ANKRD30B: variants seen among roughly 807,000 people sequenced by gnomAD.
ANKRD30B encodes ankyrin repeat domain 30B.
A neutral mutation model predicts 202.2 loss-of-function variants in ANKRD30B; 144 were observed. The observed-to-expected ratio is 0.71, with a 90% confidence interval of 0.62 to 0.82. The LOEUF (loss-of-function observed/expected upper bound fraction) is 0.82, where lower values mean the gene tolerates loss of function less well. ANKRD30B is among the 40% of genes least tolerant of loss of function. ANKRD30B has a pLI of 0.00. For synonymous variants in ANKRD30B, 508 were observed against 561.3 expected, an observed-to-expected ratio of 0.91 and a Z score of 1.34; for missense variants, 1,487 against 1,669.1, an observed-to-expected ratio of 0.89 and a Z score of 1.90.
intron 24 of ANKRD30B, among the ~76,000 whole-genome samples, chr18:14,804,804 G>T (rs1417527770): frequency 3.3e-5 from 5 of 150,638 alleles, no homozygotes; most frequent in Non-Finnish European, 5.9e-5. Flanking sequence ...GAAGAATCAA[G>T]AACACAAGTC....
At chr18:14,938,103 T>C in the ANKRD30B span, among the ~76,000 whole-genome samples, 1 of 152,256 alleles carries the variant, frequency 6.6e-6, no homozygotes, top group African/African-American at 2.4e-5. Flanking sequence ...CTCCTCTCCC[T>C]ACATGCCTTC....
rs1211739150 is a variant in ANKRD30B at position 14,760,376 on chromosome 18, A to G, written c.756-178A>G. 5.3e-5 allele frequency among the ~76,000 whole-genome samples: 8 copies of G among 152,150 alleles called. No homozygotes were observed. The East Asian group carries it at 1.5e-3, about 29-fold the overall frequency. ...AGTATTTCATCTTACTTTATTTATT[A>G]TTTAATTAGAAGCTTAATAAGTTCA... On this transcript the variant is annotated intron_variant, in intron 5 of 43. Coordinates refer to ENST00000690538, the MANE Select transcript of ANKRD30B (RefSeq NM_001367607.2).
chr18:14,874,429 A>G, the ANKRD30B span, among the ~76,000 whole-genome samples: 18 of 152,338 alleles, frequency 1.2e-4, no homozygotes, highest in African/African-American at 4.1e-4. Flanking sequence ...AAACCCTTTC[A>G]AAGTGAGTAA....
At chr18:14,899,864 A>C in the ANKRD30B span, among the ~76,000 whole-genome samples, 2 of 152,156 alleles carry the variant, frequency 1.3e-5, no homozygotes, top group African/African-American at 4.8e-5. Flanking sequence ...TAAGGTTATA[A>C]ATTTAGCAGC....
the ANKRD30B span, among the ~76,000 whole-genome samples, chr18:14,889,339 A>G: frequency 1.3e-5 from 2 of 152,108 alleles, no homozygotes; most frequent in Non-Finnish European, 2.9e-5. Context: ...CATTGTCTTC[A>G]ATGGTAATGG....
the ANKRD30B span, among the ~76,000 whole-genome samples, chr18:14,926,248 T>A: frequency 6.6e-6 from 1 of 152,208 alleles, no homozygotes; most frequent in South Asian, 2.1e-4. Context: ...TCGGCTCACC[T>A]GCATTTTGCC....
At chr18:14,826,693 T>TCTCA (rs762792279) in intron 32 of ANKRD30B, among the ~76,000 whole-genome samples, 364 of 125,022 alleles carry the variant, frequency 2.9e-3, no homozygotes, top group African/African-American at 8.4e-3. Context: ...TCTCTCTCTC[T>TCTCA]CACACACACA....
the ANKRD30B span, among the ~76,000 whole-genome samples, chr18:14,874,948 G>A: frequency 3.3e-5 from 5 of 152,178 alleles, no homozygotes; most frequent in Admixed American, 6.5e-5. Flanking sequence ...GGTCAAGGCC[G>A]CTGATGCTGG....
chr18:14,821,088 T>G, intron 30 of ANKRD30B, among the ~76,000 whole-genome samples: 1 of 152,244 alleles, frequency 6.6e-6, no homozygotes, highest in Non-Finnish European at 1.5e-5. Flanking sequence ...TGGTTTAGTC[T>G]TGGGAGAGTG....
intron 4 of ANKRD30B, among the ~76,000 whole-genome samples, chr18:14,756,149 G>A (rs1336419541): frequency 6.6e-6 from 1 of 152,276 alleles, no homozygotes; most frequent in Non-Finnish European, 1.5e-5. Flanking sequence ...TTTCTCTGAT[G>A]GCCAGTGATG....
intron 30 of ANKRD30B, among the ~76,000 whole-genome samples, chr18:14,819,979 T>A (rs929689088): frequency 6.6e-6 from 1 of 152,166 alleles, no homozygotes; most frequent in African/African-American, 2.4e-5. Flanking sequence ...ACGATATTGA[T>A]TCTTCCTACC....
the ANKRD30B span, among the ~76,000 whole-genome samples, chr18:14,902,592 C>G: frequency 2.0e-5 from 3 of 152,154 alleles, no homozygotes; most frequent in African/African-American, 7.2e-5. Flanking sequence ...TGGTCCTACT[C>G]TCCTGCAGGG....
chr18:14,836,374 C>T (rs1252393833), intron 34 of ANKRD30B, among the ~76,000 whole-genome samples: 3 of 152,206 alleles, frequency 2.0e-5, no homozygotes, highest in Admixed American at 1.3e-4. Context: ...AGCACTTCAA[C>T]CGGCACTTCA....
chr18:14,822,459 T>C (rs1970469416), intron 30 of ANKRD30B, 24 bp from the exon 31 acceptor site: 2 of 1,230,696 alleles, frequency 1.6e-6, no homozygotes, highest in African/African-American at 2.9e-5. Context: ...GTATAATCAA[T>C]TATATATGTC....
At chr18:14,872,546 G>A in the ANKRD30B span, among the ~76,000 whole-genome samples, 1 of 152,114 alleles carries the variant, frequency 6.6e-6, no homozygotes, top group Non-Finnish European at 1.5e-5. Context: ...AATCAATGCA[G>A]CGTGGTCCTT....
chr18:14,929,453 C>T, the ANKRD30B span, among the ~76,000 whole-genome samples: 7 of 152,158 alleles, frequency 4.6e-5, no homozygotes, highest in Non-Finnish European at 1.5e-5. Flanking sequence ...CAGTGATAGG[C>T]GCTTGTGTCC....
chr18:14,772,175 A>G lies in ANKRD30B; in HGVS notation c.1276A>G (p.Ile426Val), dbSNP rs769522759. The G allele has an allele frequency of 1.6e-5, 24 of 1,504,524 alleles. No individual in the cohort carries two copies. Among genetic ancestry groups the G allele is most frequent in the African/African-American group, 2.8e-5 (2 of 72,140 alleles). The allele number at this position is 1,504,524 out of a possible 1,614,324, so 93.2% of individuals were successfully genotyped here. A position where few individuals can be genotyped will look rare whatever the true frequency, so the allele number is the denominator to read the frequency against. ...PIFSLFGTRT[I>V]ENSQCTKVEE... Reference sequence around the variant, plus strand: ...TTAAAGTCTTTTTGGCACACGGACTATTGAAAATTCACAGTGTACAAAAGT... The same window carrying G: ...TTAAAGTCTTTTTGGCACACGGACTGTTGAAAATTCACAGTGTACAAAAGT... The change falls in exon 9 of 44, where the codon ATT becomes GTT. Residue 426 changes from isoleucine to valine, a missense_variant. By Grantham distance (29) the Ile-to-Val change is conservative. Transcript: ENST00000690538.
At chr18:14,837,057 CCAGGA>C in intron 34 of ANKRD30B, 149 bp from the exon 35 acceptor site, 2 of 545,880 alleles carry the variant, frequency 3.7e-6, no homozygotes, top group East Asian at 3.0e-5. Context: ...TCTGCTTCTC[CCAGGA>C]TAGTGCCTAT....
In ANKRD30B at chr18:14,852,436, TATAA is replaced by T; in HGVS notation, c.4476+20_4476+23del. 1 of 1,510,224 alleles carries T rather than the reference TATAA, an allele frequency of 6.6e-7. No individual in the cohort carries two copies. Among genetic ancestry groups the T allele is most frequent in the Non-Finnish European group, 8.8e-7 (1 of 1,136,304 alleles). 93.6% of individuals were successfully genotyped at this position (1,510,224 alleles called of 1,614,324 possible). On this transcript the variant is annotated intron_variant, in intron 42 of 43. Coordinates refer to ENST00000690538, the MANE Select transcript of ANKRD30B (RefSeq NM_001367607.2). ...AGAAAGAGAAGTAAGTATCAAAAAA[TATAA>T]ATACTTTTCAAACTTCCTGAAAGAA... is the stretch of plus-strand genomic sequence containing the variant.
Sources: allele counts gnomAD v4.1 joint callset (sites outside exome capture counted in the v4.1 genomes callset), GRCh38; gene constraint gnomAD v4.1.1; transcripts MANE v1.5; gene names NCBI Gene and HGNC (gene_info 2026-07-23, HGNC 2026-07-21).